Variants in CRB1 observed in about 807,000 individuals in gnomAD.
CRB1 encodes crumbs cell polarity complex component 1.
CRB1 carries 83 observed loss-of-function variants against 120.0 expected under a neutral mutation model. That is an observed-to-expected ratio of 0.69 (90% confidence interval 0.58 to 0.83). CRB1 has a LOEUF of 0.83. Ranked by LOEUF, CRB1 falls within the 40% of genes least tolerant of loss-of-function variation. CRB1 has a pLI of 0.00. For synonymous variants in CRB1, 625 were observed against 612.5 expected (o/e 1.02, Z -0.30); for missense variants, 1,699 against 1,687.6 (o/e 1.01, Z -0.12).
chr1:197,400,576 T>G (rs1212308877), intron 5 of CRB1, among the ~76,000 whole-genome samples: 2 of 152,074 alleles, frequency 1.3e-5, no homozygotes, highest in Non-Finnish European at 2.9e-5. Context: ...TCTCTGGAAC[T>G]CTTACAAAAC....
In CRB1 at chr1:197,438,580, T is replaced by A. The variant is rs780967467; in HGVS notation, c.3783T>A (p.Asn1261Lys). 3 of 1,612,816 alleles carry A rather than the reference T, an allele frequency of 1.9e-6. No individual in the cohort carries two copies. The South Asian group carries it at 3.3e-5, about 18-fold the overall frequency. Residue 1261 changes from asparagine to lysine, a missense_variant, in exon 10 of 12, where the codon AAT becomes AAA. Transcript: ENST00000367400. ...GATTACCCTCAACAGTCTGTGGGAA[T>A]GAGAAGACAAATCTCACTTGCTACA... ...QSRLPSTVCG[N>K]EKTNLTCYNG...
intron 11 of CRB1, among the ~76,000 whole-genome samples, chr1:197,459,998 C>CTT (rs1666450807): frequency 1.9e-5 from 1 of 51,898 alleles, no homozygotes; most frequent in Admixed American, 3.4e-4. Context: ...TTTAAGCCCC[C>CTT]CTCTTTTTTT....
chr1:197,316,663 G>C (rs918815172), intron 1 of CRB1, among the ~76,000 whole-genome samples: 5 of 152,084 alleles, frequency 3.3e-5, no homozygotes, highest in Admixed American at 2.0e-4. Context: ...GCACAAAATA[G>C]TGCCAAAATT....
chr1:197,371,302 G>T (rs898887566), intron 5 of CRB1, among the ~76,000 whole-genome samples: 1 of 152,032 alleles, frequency 6.6e-6, no homozygotes, highest in Admixed American at 6.6e-5. Context: ...GAATGTGGTT[G>T]GAGAAAAACT....
intron 1 of CRB1, among the ~76,000 whole-genome samples, chr1:197,294,942 A>G (rs927563244): frequency 5.9e-5 from 9 of 152,102 alleles, no homozygotes; most frequent in Non-Finnish European, 1.0e-4. Flanking sequence ...GCATTAGGAG[A>G]TATACCTAAT....
intron 1 of CRB1, among the ~76,000 whole-genome samples, chr1:197,275,178 G>C (rs960149171): frequency 6.6e-6 from 1 of 151,984 alleles, no homozygotes; most frequent in Non-Finnish European, 1.5e-5. Context: ...TATTGGAGTA[G>C]ATTCACCCTA....
At position 197,417,798 on chromosome 1, in the gene CRB1, A is replaced by G. The variant is rs537379182; in HGVS notation, c.1172-3202A>G. Among the ~76,000 whole-genome samples the G allele has an allele frequency of 2.0e-3, 308 of 152,304 alleles. 5 individuals carry two copies. In the South Asian group the frequency reaches 0.024, roughly 12 times the overall value. On this transcript the variant is annotated intron_variant, in intron 5 of 11. Coordinates refer to ENST00000367400, the MANE Select transcript of CRB1 (RefSeq NM_201253.3). ...TTTTTGCCACCAAGTTCAGTCTTCT[A>G]GGGGACAAAACACATAAATCTGAAG...
chr1:197,447,798 G>A (rs935328672), intron 11 of CRB1, among the ~76,000 whole-genome samples: 9 of 149,822 alleles, frequency 6.0e-5, no homozygotes, highest in Non-Finnish European at 1.2e-4. Context: ...AGGCTGCCAT[G>A]AGCCATGATG....
chr1:197,365,621 TTCTTC>T (rs1430387398), intron 5 of CRB1, among the ~76,000 whole-genome samples: 9 of 129,326 alleles, frequency 7.0e-5, no homozygotes, highest in African/African-American at 4.0e-4. Flanking sequence ...CTTCTTCTTC[TTCTTC>T]TTTTTTTTTT....
At chr1:197,451,596 G>C (rs1453233562) in intron 11 of CRB1, among the ~76,000 whole-genome samples, 1 of 152,176 alleles carries the variant, frequency 6.6e-6, no homozygotes, top group African/African-American at 2.4e-5. Context: ...TCAGAGCAAG[G>C]ATGGGCTGGG....
chr1:197,317,137 G>A (rs145467455), intron 1 of CRB1, among the ~76,000 whole-genome samples: 525 of 152,310 alleles, frequency 3.4e-3, no homozygotes, highest in Middle Eastern at 0.014. Context: ...GCAATGACAG[G>A]TGGGGCACGG....
chr1:197,226,630 A>G, the CRB1 span, among the ~76,000 whole-genome samples: 1 of 152,146 alleles, frequency 6.6e-6, no homozygotes, highest in South Asian at 2.1e-4. Context: ...TCATGATGGG[A>G]TTAGCATCCA....
chr1:197,438,672 A>G lies in CRB1; in HGVS notation c.3875A>G (p.Glu1292Gly). Residue 1292 changes from glutamate (E) to glycine (G), a missense_variant, in exon 10 of 12, where the codon GAA becomes GGA. Physicochemically the swap from Glu to Gly is moderately conservative, Grantham distance 98. Transcript: ENST00000367400. Reference protein sequence around the residue: ...KCMCRPGFTGEWCEKDIDECA... With the variant: ...KCMCRPGFTGGWCEKDIDECA... ...ATGTGCCGGCCAGGTTTTACTGGAG[A>G]ATGGTGAGTCACATTAGAGCCTTCT... The G allele has an allele frequency of 6.2e-7, 1 of 1,611,990 alleles. No individual in the cohort carries two copies. The highest frequency in any genetic ancestry group is 8.5e-7 in the Non-Finnish European group (1 of 1,178,408).
At chr1:197,379,308 CT>C (rs776412232) in intron 5 of CRB1, among the ~76,000 whole-genome samples, 4 of 150,388 alleles carry the variant, frequency 2.7e-5, no homozygotes, top group South Asian at 4.2e-4. Context: ...CTTTTCTTTC[CT>C]TTTTTTTTGA....
In CRB1 at chr1:197,421,646, T is replaced by C. The variant is rs371114178; in HGVS notation, c.1818T>C (p.Cys606=). ...CACTTGAAAGTGATCAATCAATATG[T>C]GCTTTTCAGAACTCCTTTTTGGGTG... The part of the protein sequence containing the change: ...PTPLESDQSI[C]AFQNSFLGGL... Residue 606 remains cysteine, a synonymous_variant, in exon 6 of 12, where the codon TGT becomes TGC. Coordinates refer to ENST00000367400, the MANE Select transcript of CRB1 (RefSeq NM_201253.3). 92 of 1,614,126 alleles carry C rather than the reference T, an allele frequency of 5.7e-5. No individual in the cohort carries two copies. Among genetic ancestry groups the C allele is most frequent in the Non-Finnish European group, 7.5e-5 (89 of 1,180,056 alleles).
intron 4 of CRB1, among the ~76,000 whole-genome samples, chr1:197,353,066 A>T (rs533580003): frequency 6.6e-6 from 1 of 152,226 alleles, no homozygotes; most frequent in Non-Finnish European, 1.5e-5. Flanking sequence ...CAGCCTGCTG[A>T]GGGAGGAAAC....
intron 5 of CRB1, among the ~76,000 whole-genome samples, chr1:197,412,670 T>G (rs1663771081): frequency 6.6e-6 from 1 of 152,236 alleles, no homozygotes; most frequent in Non-Finnish European, 1.5e-5. Flanking sequence ...GGCTGTTGTC[T>G]GCTTAGGCTT....
At chr1:197,301,633 T>G (rs1268466138) in intron 1 of CRB1, among the ~76,000 whole-genome samples, 1 of 152,114 alleles carries the variant, frequency 6.6e-6, no homozygotes, top group Non-Finnish European at 1.5e-5. Context: ...GTAGGTAGCA[T>G]GGTAGTCTCA....
rs756255954 is a variant in CRB1, at chr1:197,421,137, G to T, written c.1309G>T (p.Asp437Tyr). Reference sequence around the variant, plus strand: ...TTCTAGAACTTTTTATGGAGGAAGGGACTGTTCTGATATTCTCCTGGGCTG... The same window carrying T: ...TTCTAGAACTTTTTATGGAGGAAGGTACTGTTCTGATATTCTCCTGGGCTG... The part of the protein sequence containing the change: ...NLSRTFYGGR[D>Y]CSDILLGCTH... The change falls in exon 6 of 12, where the codon GAC (aspartate) becomes TAC (tyrosine). Residue 437 changes from aspartate (D) to tyrosine (Y), a missense_variant. By Grantham distance (160) the Asp-to-Tyr change is radical (BLOSUM62 -3). Transcript: ENST00000367400. 1 of 1,614,122 alleles carries T rather than the reference G, an allele frequency of 6.2e-7. No homozygotes were observed. Among genetic ancestry groups the T allele is most frequent in the Non-Finnish European group, 8.5e-7 (1 of 1,179,988 alleles).
Sources: allele counts gnomAD v4.1 joint callset (sites outside exome capture counted in the v4.1 genomes callset), GRCh38; gene constraint gnomAD v4.1.1; transcripts MANE v1.5; gene names NCBI Gene and HGNC (gene_info 2026-07-23, HGNC 2026-07-21).